Variants in LIN52 observed in about 807,000 individuals in gnomAD.
LIN52 encodes the protein protein lin-52 homolog.
In LIN52, 4 loss-of-function variants were observed where a neutral mutation model predicts 18.5. That is an observed-to-expected ratio of 0.22 (90% confidence interval 0.11 to 0.49). The LOEUF is 0.49. LIN52 is among the 20% of genes least tolerant of loss of function. The pLI, the probability that LIN52 is intolerant of heterozygous loss-of-function variation, is 0.97. For synonymous variants in LIN52, 34 were observed against 45.5 expected, an observed-to-expected ratio of 0.75 and a Z score of 1.02; for missense variants, 102 against 139.5, an observed-to-expected ratio of 0.73 and a Z score of 1.35.
intron 5 of LIN52, among the ~76,000 whole-genome samples, chr14:74,146,520 C>T (rs552086445): frequency 6.6e-6 from 1 of 152,066 alleles, no homozygotes; most frequent in Admixed American, 6.6e-5. Context: ...CAGATAAACT[C>T]CTGTGTTACA....
intron 5 of LIN52, among the ~76,000 whole-genome samples, chr14:74,134,670 G>T (rs1033611596): frequency 6.6e-6 from 1 of 152,046 alleles, no homozygotes; most frequent in Non-Finnish European, 1.5e-5. Context: ...AAAACACAGG[G>T]TTTCACTTTT....
intron 5 of LIN52, among the ~76,000 whole-genome samples, chr14:74,169,835 A>G (rs1266649976): frequency 6.6e-6 from 1 of 152,190 alleles, no homozygotes; most frequent in Non-Finnish European, 1.5e-5. Context: ...CCAGTGAGGG[A>G]CAGTCATGTA....
chr14:74,198,771 C>T, intron 5 of LIN52, 151 bp from the exon 6 acceptor site: 2 of 634,016 alleles, frequency 3.2e-6, no homozygotes, highest in Non-Finnish European at 5.6e-6. Flanking sequence ...GTTTTTACCC[C>T]CTTTTAGGTT....
chr14:74,108,923 T>G (rs2139898239), intron 5 of LIN52, among the ~76,000 whole-genome samples: 1 of 152,332 alleles, frequency 6.6e-6, no homozygotes, highest in South Asian at 2.1e-4. Context: ...AAATCCAATT[T>G]ATCTATTTTG....
intron 5 of LIN52, among the ~76,000 whole-genome samples, chr14:74,183,313 A>G (rs968567694): frequency 6.6e-6 from 1 of 151,926 alleles, no homozygotes; most frequent in Admixed American, 6.6e-5. Flanking sequence ...GTTAGCCAGG[A>G]TGGTCTCGAT....
chr14:74,121,008 T>G (rs748442907), intron 5 of LIN52, among the ~76,000 whole-genome samples: 15 of 152,170 alleles, frequency 9.9e-5, no homozygotes, highest in Non-Finnish European at 1.9e-4. Context: ...GCCCAGAAGT[T>G]TGAGTCCAGC....
intron 5 of LIN52, among the ~76,000 whole-genome samples, chr14:74,154,901 A>G (rs1392305100): frequency 6.6e-6 from 1 of 152,196 alleles, no homozygotes; most frequent in East Asian, 1.9e-4. Flanking sequence ...TGAGGTCCTC[A>G]ATTCTACTCC....
At chr14:74,140,731 G>A (rs548706118) in intron 5 of LIN52, among the ~76,000 whole-genome samples, 1 of 152,328 alleles carries the variant, frequency 6.6e-6, no homozygotes, top group South Asian at 2.1e-4. Flanking sequence ...TTTACAAGAA[G>A]AGGCTGGGTA....
chr14:74,165,994 C>T (rs1177522837), intron 5 of LIN52, among the ~76,000 whole-genome samples: 1 of 151,736 alleles, frequency 6.6e-6, no homozygotes, highest in Admixed American at 6.6e-5. Context: ...CGGCTTCAAG[C>T]AATTCTCCTG....
At chr14:74,181,107 C>CAAAAAAAAA (rs149099646) in intron 5 of LIN52, among the ~76,000 whole-genome samples, 1 of 96,130 alleles carries the variant, frequency 1.0e-5, no homozygotes. Flanking sequence ...GACTCTGTCT[C>CAAAAAAAAA]AAAAAAAAAA....
intron 5 of LIN52, among the ~76,000 whole-genome samples, chr14:74,182,426 A>G (rs7157566): frequency 0.6 from 91,652 of 152,062 alleles, 28,700 homozygotes; most frequent in Admixed American, 0.69. Context: ...TGAAACCACA[A>G]TGCAAACAAT....
chr14:74,087,260 C>T (rs1445147253), intron 1 of LIN52, among the ~76,000 whole-genome samples: 4 of 151,686 alleles, frequency 2.6e-5, no homozygotes, highest in Non-Finnish European at 4.4e-5. Flanking sequence ...CTAAAAAATA[C>T]AAAAAATTAG....
chr14:74,095,773 G>T (rs988306031), intron 2 of LIN52, among the ~76,000 whole-genome samples, 175 bp from the exon 3 acceptor site: 2 of 151,998 alleles, frequency 1.3e-5, no homozygotes, highest in South Asian at 4.1e-4. Context: ...TTTTTGTCTT[G>T]CCATAGTCCT....
intron 5 of LIN52, among the ~76,000 whole-genome samples, chr14:74,111,994 C>T (rs1024105646): frequency 1.3e-5 from 2 of 151,912 alleles, no homozygotes; most frequent in African/African-American, 4.8e-5. Context: ...TATTCTCCTG[C>T]CTCAGCCTCC....
At chr14:74,122,204 A>G (rs1365829077) in intron 5 of LIN52, among the ~76,000 whole-genome samples, 1 of 152,214 alleles carries the variant, frequency 6.6e-6, no homozygotes, top group African/African-American at 2.4e-5. Flanking sequence ...ATATTTTATT[A>G]TGGATTGAAA....
At chr14:74,157,459 A>ATTT (rs56310225) in intron 5 of LIN52, among the ~76,000 whole-genome samples, 2,906 of 139,988 alleles carry the variant, frequency 0.021, 21 homozygotes, top group East Asian at 0.062. Flanking sequence ...ATATATATAT[A>ATTT]TTTTTTAATT....
chr14:74,120,565 G>A (rs545927672), intron 5 of LIN52, among the ~76,000 whole-genome samples: 1 of 152,068 alleles, frequency 6.6e-6, no homozygotes, highest in East Asian at 1.9e-4. Flanking sequence ...GACCATCCTG[G>A]CCAGCATTGT....
In LIN52 at chr14:74,175,229, T is replaced by C. The variant is rs555778542; in HGVS notation, c.284-23693T>C. 3.9e-5 allele frequency among the ~76,000 whole-genome samples: 6 copies of C among 151,946 alleles called. No homozygotes were observed. The South Asian group carries it at 8.3e-4, about 21-fold the overall frequency. ...AAAATATGTTTCTTTGATAATAAAT[T>C]AACCTTAGCTTACTGTAGCTTTTTT... is the stretch of plus-strand genomic sequence containing the variant. On this transcript the variant is annotated intron_variant, in intron 5 of 5. Coordinates refer to ENST00000555028, the MANE Select transcript of LIN52 (RefSeq NM_001024674.3).
At chr14:74,089,660 C>T (rs1281165298) in intron 1 of LIN52, among the ~76,000 whole-genome samples, 1 of 152,126 alleles carries the variant, frequency 6.6e-6, no homozygotes, top group Non-Finnish European at 1.5e-5. Context: ...TGCACCACTG[C>T]ATCTGGCCTT....
Sources: gnomAD v4.1 joint callset for allele counts (sites outside exome capture counted in the v4.1 genomes callset) on GRCh38, gnomAD v4.1.1 for gene constraint, MANE v1.5 for transcripts, NCBI Gene and HGNC (gene_info 2026-07-23, HGNC 2026-07-21) for gene names.